PCDHA5: variants seen among roughly 807,000 people sequenced by gnomAD.
PCDHA5 encodes protocadherin alpha-5.
A neutral mutation model predicts 61.6 loss-of-function variants in PCDHA5; 43 were observed. The observed-to-expected ratio is 0.70, with a 90% CI of 0.55 to 0.90. PCDHA5 has a LOEUF of 0.90. PCDHA5 is among the 40% of genes least tolerant of loss of function. The pLI, the probability that PCDHA5 is intolerant of heterozygous loss-of-function variation, is 0.00. For synonymous variants in PCDHA5, 627 were observed against 543.9 expected (o/e 1.15, Z -2.13); for missense variants, 1,298 against 1,222.7 (o/e 1.06, Z -0.92).
chr5:140,826,677 TA>T (rs1447627266), intron 1 of PCDHA5, among the ~76,000 whole-genome samples: 1 of 152,092 alleles, frequency 6.6e-6, no homozygotes, highest in Non-Finnish European at 1.5e-5. Context: ...TAGACGTAAT[TA>T]AAAAAACCCA....
At chr5:140,918,129 T>C (rs1299993749) in intron 1 of PCDHA5, among the ~76,000 whole-genome samples, 2 of 152,198 alleles carry the variant, frequency 1.3e-5, no homozygotes, top group African/African-American at 2.4e-5. Flanking sequence ...GCCATATTCC[T>C]AGGTATTTTC....
At chr5:140,857,771 G>C in intron 1 of PCDHA5, 3 of 1,597,658 alleles carry the variant, frequency 1.9e-6, no homozygotes, top group Non-Finnish European at 2.6e-6. Flanking sequence ...CGCGGGCGGT[G>C]CAGTCAGTGA....
chr5:140,856,780 G>C (rs1015178435), intron 1 of PCDHA5: 1 of 1,596,106 alleles, frequency 6.3e-7, no homozygotes, highest in Non-Finnish European at 8.6e-7. Flanking sequence ...TTGACAGACC[G>C]GTTTATGAAG....
intron 1 of PCDHA5, chr5:140,871,242 G>T: frequency 6.2e-7 from 1 of 1,613,980 alleles, no homozygotes; most frequent in South Asian, 1.1e-5. Flanking sequence ...TGGTACTCAC[G>T]CTGCTGCTGT....
At chr5:140,877,894 G>C (rs1186724493) in intron 1 of PCDHA5, 21 of 1,447,492 alleles carry the variant, frequency 1.5e-5, no homozygotes, top group African/African-American at 2.9e-5. Flanking sequence ...CTTCCGTTTA[G>C]GTTATAACTA....
intron 1 of PCDHA5, chr5:140,863,004 G>A (rs1236967953): frequency 1.8e-6 from 1 of 551,012 alleles, no homozygotes; most frequent in African/African-American, 1.9e-5. Flanking sequence ...GTGGACTCCA[G>A]CTATGACGCC....
chr5:140,851,763 C>T (rs1554145528), intron 1 of PCDHA5: 1 of 969,364 alleles, frequency 1.0e-6, no homozygotes, highest in Admixed American at 6.3e-5. Context: ...TAAAACATTA[C>T]CCTTATGAAT....
At chr5:140,962,541 A>AGTT (rs2095690394) in intron 1 of PCDHA5, among the ~76,000 whole-genome samples, 1 of 152,220 alleles carries the variant, frequency 6.6e-6, no homozygotes, top group Non-Finnish European at 1.5e-5. Flanking sequence ...AGAACTAAAA[A>AGTT]TGTAGAGGAT....
intron 1 of PCDHA5, chr5:140,928,163 C>A: frequency 6.2e-7 from 1 of 1,614,204 alleles, no homozygotes; most frequent in Non-Finnish European, 8.5e-7. Flanking sequence ...GGCTCACCCC[C>A]ACTTAGCACC....
intron 1 of PCDHA5, chr5:140,861,340 C>T (rs1364602007): frequency 3.6e-6 from 1 of 276,532 alleles, no homozygotes; most frequent in African/African-American, 2.2e-5. Context: ...TGGAAGAGGC[C>T]AAGGACGGCA....
intron 1 of PCDHA5, among the ~76,000 whole-genome samples, chr5:140,832,070 T>G (rs1282000636): frequency 6.6e-6 from 1 of 152,252 alleles, no homozygotes; most frequent in Non-Finnish European, 1.5e-5. Context: ...TAATCTGAGA[T>G]GTCTCTAACA....
At chr5:140,835,408 A>G (rs1554134951) in intron 1 of PCDHA5, 1 of 1,614,004 alleles carries the variant, frequency 6.2e-7, no homozygotes, top group Non-Finnish European at 8.5e-7. Context: ...GAAGTTGTGG[A>G]TGTAAATGAC....
At chr5:140,970,810 A>G (rs2096434442) in intron 1 of PCDHA5, among the ~76,000 whole-genome samples, 1 of 152,138 alleles carries the variant, frequency 6.6e-6, no homozygotes. Flanking sequence ...TTACATTTCA[A>G]GTTCATGGTA....
intron 1 of PCDHA5, among the ~76,000 whole-genome samples, chr5:140,970,418 G>A (rs1377182658): frequency 6.6e-6 from 1 of 152,220 alleles, no homozygotes; most frequent in East Asian, 1.9e-4. Flanking sequence ...ACAGTAAGGT[G>A]TAGAGGCAGG....
Position 140,829,599 on chromosome 5 carries a change from C to A in PCDHA5, c.2352+5472C>A, listed in dbSNP as rs1770425263. ...GTGGAGCGGCGGGTGGGCGAGCGCG[C>A]GTTGTCGAGCTACATTTCGGTGCAC... is the stretch of plus-strand genomic sequence containing the variant. On this transcript the variant is annotated intron_variant, in intron 1 of 3. Transcript: ENST00000529859. 15 of 1,612,030 alleles carry A rather than the reference C, an allele frequency of 9.3e-6. No individual in the cohort carries two copies. In the East Asian group the frequency reaches 3.3e-4, roughly 36 times the overall value.
intron 1 of PCDHA5, chr5:140,829,762 C>G (rs1770548782): frequency 6.2e-7 from 1 of 1,613,752 alleles, no homozygotes; most frequent in Non-Finnish European, 8.5e-7. Flanking sequence ...TCGTGCTGGA[C>G]GAGAACGACA....
chr5:140,952,081 A>G (rs1554220214), intron 1 of PCDHA5, among the ~76,000 whole-genome samples: 3 of 152,064 alleles, frequency 2.0e-5, no homozygotes. Flanking sequence ...CATTGACTCC[A>G]TGTCTCACAT....
chr5:140,835,907 G>C, intron 1 of PCDHA5: 1 of 1,612,200 alleles, frequency 6.2e-7, no homozygotes, highest in Non-Finnish European at 8.5e-7. Flanking sequence ...CGAGCTACGT[G>C]TCAGTGCACG....
intron 1 of PCDHA5, chr5:140,849,562 C>G (rs1188964395): frequency 6.3e-7 from 1 of 1,598,438 alleles, no homozygotes; most frequent in Non-Finnish European, 8.6e-7. Context: ...AAAACGCTCT[C>G]GGTTCCTGTA....
Sources: gnomAD v4.1 joint callset for allele counts (sites outside exome capture counted in the v4.1 genomes callset) on GRCh38, gnomAD v4.1.1 for gene constraint, MANE v1.5 for transcripts, NCBI Gene and HGNC (gene_info 2026-07-23, HGNC 2026-07-21) for gene names.